The following NBAS variants were observed in gnomAD, a reference collection of about 807,000 sequenced individuals.
NBAS encodes the protein NAG/BC035112 fusion.
In NBAS, 219 loss-of-function variants were observed where a neutral mutation model predicts 302.5. That is an observed-to-expected ratio of 0.72 (90% confidence interval 0.65 to 0.81). The LOEUF (loss-of-function observed/expected upper bound fraction) is 0.81. Ranked by LOEUF, NBAS falls within the 30% of genes least tolerant of loss-of-function variation. NBAS has a pLI of 0.00. For missense variants in NBAS, 2,932 were observed against 2,841.6 expected (o/e 1.03, Z -0.72); for synonymous variants, 1,118 against 1,021.6 (o/e 1.09, Z -1.80).
the NBAS span, among the ~76,000 whole-genome samples, chr2:14,849,679 A>G: frequency 7.1e-6 from 1 of 140,448 alleles, no homozygotes; most frequent in East Asian, 1.9e-4. Flanking sequence ...GCAGCCAGAG[A>G]GAAAGGTCGG....
At chr2:15,405,627 A>C (rs1676372329) in intron 25 of NBAS, among the ~76,000 whole-genome samples, 1 of 152,196 alleles carries the variant, frequency 6.6e-6, no homozygotes, top group Non-Finnish European at 1.5e-5. Flanking sequence ...AAGAATAATA[A>C]TTTCTAAAAA....
chr2:14,801,230 C>G, the NBAS span, among the ~76,000 whole-genome samples: 1 of 151,944 alleles, frequency 6.6e-6, no homozygotes, highest in African/African-American at 2.4e-5. Flanking sequence ...GTTTGGTTTG[C>G]TTTGGTTAGG....
At chr2:15,494,369 C>T (rs992858386) in intron 11 of NBAS, among the ~76,000 whole-genome samples, 2 of 152,108 alleles carry the variant, frequency 1.3e-5, no homozygotes, top group African/African-American at 4.8e-5. Flanking sequence ...TATAAGGTTG[C>T]CCCAAGGATA....
At chr2:15,461,154 TATC>T (rs910322907) in intron 21 of NBAS, 44 bp downstream of exon 21, 1 of 1,495,210 alleles carries the variant, frequency 6.7e-7, no homozygotes, top group African/African-American at 1.7e-5. Flanking sequence ...ACAAAAAAAT[TATC>T]AATATAAAAA....
the NBAS span, among the ~76,000 whole-genome samples, chr2:15,097,954 T>C: frequency 6.1e-3 from 655 of 107,860 alleles, 16 homozygotes; most frequent in African/African-American, 0.024. Context: ...ATATTGTATA[T>C]AATATATATA....
chr2:15,191,348 G>A (rs1014969025), intron 48 of NBAS, among the ~76,000 whole-genome samples: 5 of 152,104 alleles, frequency 3.3e-5, no homozygotes, highest in East Asian at 1.9e-4. Context: ...GAAGCCATCC[G>A]AAAAAGTCAC....
intron 21 of NBAS, among the ~76,000 whole-genome samples, chr2:15,450,822 T>C (rs1343217987): frequency 2.0e-5 from 3 of 152,242 alleles, no homozygotes; most frequent in Non-Finnish European, 4.4e-5. Context: ...GATGCTTTCA[T>C]TTTTAAATGA....
intron 44 of NBAS, among the ~76,000 whole-genome samples, chr2:15,254,240 C>T (rs1668485143): frequency 6.6e-6 from 1 of 152,036 alleles, no homozygotes; most frequent in Non-Finnish European, 1.5e-5. Flanking sequence ...CCTATGATTG[C>T]ACCCAATTAA....
intron 21 of NBAS, among the ~76,000 whole-genome samples, chr2:15,434,660 G>A (rs918292561): frequency 1.2e-4 from 19 of 152,112 alleles, no homozygotes; most frequent in African/African-American, 4.6e-4. Flanking sequence ...TATTACAGAT[G>A]AAAAATAGGG....
chr2:15,221,194 C>A (rs1310875593), intron 47 of NBAS, among the ~76,000 whole-genome samples: 5 of 151,998 alleles, frequency 3.3e-5, no homozygotes, highest in Non-Finnish European at 7.4e-5. Flanking sequence ...ACGGGAAGAC[C>A]GTTAAAAAAA....
At chr2:15,184,829 C>G (rs1050687031) in intron 50 of NBAS, among the ~76,000 whole-genome samples, 11 of 152,136 alleles carry the variant, frequency 7.2e-5, no homozygotes, top group African/African-American at 2.7e-4. Context: ...TCATAGCCAA[C>G]TTACATTCCT....
rs138943346 is a variant in NBAS at position 15,276,877 on chromosome 2, A to G, written c.5363T>C (p.Leu1788Pro). 1.2e-6 allele frequency: 2 copies of G among 1,613,976 alleles called. No individual in the cohort carries two copies. The highest frequency in any genetic ancestry group is 1.3e-5 in the African/African-American group (1 of 74,930). ...TGATGCAACAACCTTAAACTTCTTC[A>G]GCAGTCGAATGTGGGTTTCTGGTTT... is the stretch of plus-strand genomic sequence containing the variant. ...AIKPETHIRL[L>P]KKFKVVASGL... is the part of the protein sequence containing the mutation. Residue 1788 changes from leucine (L) to proline (P), a missense_variant, in exon 43 of 52, where the codon CTG becomes CCG. Physicochemically the swap from Leu to Pro is moderately conservative, Grantham distance 98 (BLOSUM62 -3). Coordinates refer to ENST00000281513, the MANE Select transcript of NBAS (RefSeq NM_015909.4).
chr2:14,843,811 T>C, the NBAS span, among the ~76,000 whole-genome samples: 5 of 152,214 alleles, frequency 3.3e-5, no homozygotes, highest in South Asian at 1.0e-3. Context: ...TGCTGCCCTA[T>C]CACAGCGGAA....
the NBAS span, among the ~76,000 whole-genome samples, chr2:14,849,549 G>A: frequency 6.6e-6 from 1 of 151,190 alleles, no homozygotes; most frequent in Admixed American, 6.6e-5. Context: ...AGCAAGGCAG[G>A]CCAACGTTCA....
At chr2:15,545,869 A>C (rs1451712609) in intron 6 of NBAS, among the ~76,000 whole-genome samples, 1 of 152,244 alleles carries the variant, frequency 6.6e-6, no homozygotes, top group African/African-American at 2.4e-5. Context: ...TCATGAACGC[A>C]GATGCAATAA....
At chr2:15,480,211 C>A (rs572105045) in intron 12 of NBAS, among the ~76,000 whole-genome samples, 142 of 152,164 alleles carry the variant, frequency 9.3e-4, no homozygotes, top group African/African-American at 3.2e-3. Flanking sequence ...CACAGTGGCA[C>A]ACTTCTGTAG....
intron 48 of NBAS, among the ~76,000 whole-genome samples, chr2:15,209,204 T>C (rs1252480058): frequency 6.6e-6 from 1 of 152,020 alleles, no homozygotes; most frequent in Non-Finnish European, 1.5e-5. Context: ...CTAGAGGAAA[T>C]GGATAAATTC....
chr2:15,396,526 T>C (rs1238899602), intron 26 of NBAS, 51 bp from the exon 27 acceptor site: 1 of 1,286,338 alleles, frequency 7.8e-7, no homozygotes, highest in South Asian at 1.5e-5. Context: ...AGTATTAGCT[T>C]TTTAAATAAA....
In NBAS at chr2:15,402,156, G is replaced by T; in HGVS notation, c.3071+12C>A. Reference sequence around the variant, plus strand: ...AAAAACACAATAAGACTGGCATACTGTGTATTCTTACCCATATCCTCTTTC... The same window carrying T: ...AAAAACACAATAAGACTGGCATACTTTGTATTCTTACCCATATCCTCTTTC... On this transcript the variant is annotated intron_variant, in intron 26 of 51. Transcript: ENST00000281513. The T allele has an allele frequency of 6.2e-7, 1 of 1,613,168 alleles. No homozygotes were observed. The highest frequency in any genetic ancestry group is 8.5e-7 in the Non-Finnish European group (1 of 1,179,394).
Sources: gnomAD v4.1 joint callset for allele counts (sites outside exome capture counted in the v4.1 genomes callset) on GRCh38, gnomAD v4.1.1 for gene constraint, MANE v1.5 for transcripts, NCBI Gene and HGNC (gene_info 2026-07-23, HGNC 2026-07-21) for gene names.